AKR1D1: variants seen among roughly 807,000 people sequenced by gnomAD.
AKR1D1 encodes the protein delta(4)-3-ketosteroid 5-beta-reductase.
A neutral mutation model predicts 42.6 loss-of-function variants in AKR1D1; 32 were observed. The observed-to-expected ratio is 0.75, with a 90% confidence interval of 0.57 to 1.01. The LOEUF is 1.01. Among genes scored for constraint, AKR1D1 ranks in the 50% least tolerant of loss-of-function variants. The pLI is 0.00. For synonymous variants in AKR1D1, 123 were observed against 135.5 expected (o/e 0.91, Z 0.64); for missense variants, 364 against 402.2 (o/e 0.91, Z 0.81).
chr7:138,104,457 G>C (rs1794376311), intron 4 of AKR1D1, among the ~76,000 whole-genome samples: 1 of 152,036 alleles, frequency 6.6e-6, no homozygotes, highest in Admixed American at 6.5e-5. Context: ...CAGCACTTTG[G>C]GACACTGAGG....
chr7:138,098,296 C>G (rs1009077905), intron 4 of AKR1D1: 1 of 199,748 alleles, frequency 5.0e-6, no homozygotes, highest in Non-Finnish European at 1.0e-5. Flanking sequence ...AAGAAACAAA[C>G]TTAAAATGAT....
chr7:138,116,715 C>A lies in AKR1D1; in HGVS notation c.*53C>A. On this transcript the variant is annotated 3_prime_UTR_variant, in exon 9 of 9. Coordinates refer to ENST00000242375, the MANE Select transcript of AKR1D1 (RefSeq NM_005989.4). Reference sequence around the variant, plus strand: ...CACTCCCACGAGTGCCAAGACGGTGCAATGGGTAGTCCCCTAGATGTGAAA... The same window carrying A: ...CACTCCCACGAGTGCCAAGACGGTGAAATGGGTAGTCCCCTAGATGTGAAA... The A allele has an allele frequency of 6.7e-7, 1 of 1,488,040 alleles. No homozygotes were observed. The highest frequency in any genetic ancestry group is 1.1e-5 in the South Asian group (1 of 88,636). The allele number at this position is 1,488,040 out of a possible 1,614,324, so 92.2% of individuals were successfully genotyped here. A position where few individuals can be genotyped will look rare whatever the true frequency, so the allele number is the denominator to read the frequency against.
At chr7:138,112,471 G>A (rs1465216050) in intron 7 of AKR1D1, among the ~76,000 whole-genome samples, 1 of 152,130 alleles carries the variant, frequency 6.6e-6, no homozygotes, top group Non-Finnish European at 1.5e-5. Context: ...TATTGTGATA[G>A]AACTATCACT....
intron 4 of AKR1D1, among the ~76,000 whole-genome samples, chr7:138,100,921 G>T (rs1794294768): frequency 6.6e-6 from 1 of 151,796 alleles, no homozygotes. Context: ...AGCCAGGATG[G>T]TCTTGATCTC....
At position 138,116,616 on chromosome 7, in the gene AKR1D1, G is replaced by C; in HGVS notation, c.939-4G>C. 6.2e-7 allele frequency: 1 copy of C among 1,614,148 alleles called. No individual in the cohort carries two copies. On this transcript the variant is annotated splice_region_variant and splice_polypyrimidine_tract_variant and intron_variant, in intron 8 of 8. Transcript: ENST00000242375. ...TTTTTTCTGTGGGGGAATTGTTTTGGCAGGTGGCGCGATCATCCTGAATAC... is the reference window on the plus strand; with the variant it reads ...TTTTTTCTGTGGGGGAATTGTTTTGCCAGGTGGCGCGATCATCCTGAATAC...
rs116319298 is a variant in AKR1D1, at chr7:138,087,280, C to A, written c.94-1321C>A. 4.3e-3 allele frequency among the ~76,000 whole-genome samples: 639 copies of A among 149,352 alleles called. 9 individuals carry two copies. Among genetic ancestry groups the A allele is most frequent in the African/African-American group, 0.015 (614 of 40,770 alleles). On this transcript the variant is annotated intron_variant, in intron 1 of 8. Transcript: ENST00000242375. ...AAGCCCTTTTTATGGTGACATTAAT[C>A]CTAAACACCTCCCATTAGGCCCTAC...
rs778336636 is a variant in AKR1D1 at position 138,097,939 on chromosome 7, G to A, written c.452G>A (p.Trp151Ter). The A allele has an allele frequency of 3.1e-6, 5 of 1,609,166 alleles. No homozygotes were observed. The African/African-American group carries it at 5.4e-5, about 17-fold the overall frequency. Reference protein sequence around the residue: ...LYHKSNLCATWEAMEACKDAG... With the variant: ...LYHKSNLCAT ...CACAAGTCAAATCTGTGTGCCACTTGGGAGGTAAGTTCAAATGTGCTTCTT... is the reference window on the plus strand; with the variant it reads ...CACAAGTCAAATCTGTGTGCCACTTAGGAGGTAAGTTCAAATGTGCTTCTT... The change falls in exon 4 of 9, where the codon TGG becomes TAG. Residue 151 changes from tryptophan to a stop codon, truncating the protein, a stop_gained. Transcript: ENST00000242375. LOFTEE classifies it high-confidence loss of function.
intron 1 of AKR1D1, among the ~76,000 whole-genome samples, chr7:138,081,996 T>C (rs1007644533): frequency 4.6e-5 from 7 of 152,166 alleles, no homozygotes; most frequent in Non-Finnish European, 8.8e-5. Context: ...GAACAACTAA[T>C]TATTGGTCTG....
chr7:138,085,889 A>G (rs10263802), intron 1 of AKR1D1, among the ~76,000 whole-genome samples: 4,067 of 151,676 alleles, frequency 0.027, 176 homozygotes, highest in African/African-American at 0.092. Flanking sequence ...GATCAGTTCC[A>G]GCCCATAAAA....
At chr7:138,093,735 G>C (rs145104745) in intron 3 of AKR1D1, among the ~76,000 whole-genome samples, 1 of 152,242 alleles carries the variant, frequency 6.6e-6, no homozygotes, top group East Asian at 1.9e-4. Context: ...AAATATATAA[G>C]TTGTATCCAT....
At position 138,103,189 on chromosome 7, in the gene AKR1D1, G is replaced by A. The variant is rs6975550; in HGVS notation, c.457-2118G>A. On this transcript the variant is annotated intron_variant, in intron 4 of 8. Transcript: ENST00000242375. ...ACTCACACTGGAAATCATTAGGTCC[G>A]ATTGATGTACTAAGTGAAAGGAACA... Among the ~76,000 whole-genome samples, 1,446 of 152,148 alleles carry A rather than the reference G, an allele frequency of 9.5e-3. 29 individuals carry two copies. The highest frequency in any genetic ancestry group is 0.033 in the African/African-American group (1,365 of 41,500).
rs59361346 is a variant in AKR1D1 at position 138,100,088 on chromosome 7, C to CAAAAAAAAAAAAAAA, written c.456+2161_456+2175dup. On this transcript the variant is annotated intron_variant, in intron 4 of 8. Transcript: ENST00000242375. Reference sequence around the variant, plus strand: ...TGGGCAATATAGCGAGATTTCATCTCAAAAAAAAAAAAAAAAAAAAAAAAA... The same window carrying CAAAAAAAAAAAAAAA: ...TGGGCAATATAGCGAGATTTCATCTCAAAAAAAAAAAAAAAAAAAAAAAAAAAAAAAAAAAAAAAA... Among the ~76,000 whole-genome samples the CAAAAAAAAAAAAAAA allele has an allele frequency of 5.5e-4, 24 of 43,568 alleles. 1 individual carries two copies. Among genetic ancestry groups the CAAAAAAAAAAAAAAA allele is most frequent in the Admixed American group, 1.3e-3 (3 of 2,236 alleles). The allele number at this position is 43,568 out of a possible 152,430, so 28.6% of individuals were successfully genotyped here.
At chr7:138,100,257 C>T (rs542541954) in intron 4 of AKR1D1, among the ~76,000 whole-genome samples, 1 of 151,110 alleles carries the variant, frequency 6.6e-6, no homozygotes, top group Admixed American at 6.6e-5. Context: ...AGAAAAGTAG[C>T]AAATAAAGGG....
chr7:138,078,276 C>T (rs751037941), intron 1 of AKR1D1, among the ~76,000 whole-genome samples: 2 of 152,026 alleles, frequency 1.3e-5, no homozygotes, highest in Non-Finnish European at 2.9e-5. Flanking sequence ...GTTGGAACTT[C>T]GTTCTATAGT....
chr7:138,087,325 A>C (rs1275771539), intron 1 of AKR1D1, among the ~76,000 whole-genome samples: 1 of 152,150 alleles, frequency 6.6e-6, no homozygotes, highest in African/African-American at 2.4e-5. Flanking sequence ...CTGTTTGTCA[A>C]ATTGGAGATT....
At chr7:138,112,247 G>C (rs1284243860) in intron 7 of AKR1D1, among the ~76,000 whole-genome samples, 1 of 152,048 alleles carries the variant, frequency 6.6e-6, no homozygotes, top group Non-Finnish European at 1.5e-5. Context: ...TCTGAGTAAG[G>C]ATTCATTTTA....
chr7:138,088,327 T>C (rs910016463), intron 1 of AKR1D1, among the ~76,000 whole-genome samples: 1 of 152,230 alleles, frequency 6.6e-6, no homozygotes, highest in African/African-American at 2.4e-5. Context: ...CCATGAATTC[T>C]CTTGTCACAG....
intron 1 of AKR1D1, among the ~76,000 whole-genome samples, chr7:138,080,332 AT>A (rs1803027630): frequency 6.6e-6 from 1 of 152,098 alleles, no homozygotes; most frequent in South Asian, 2.1e-4. Flanking sequence ...GGCCTTCAAA[AT>A]TGCTGGGATT....
chr7:138,118,150 T>A lies in AKR1D1; in HGVS notation c.*1488T>A, dbSNP rs1342741225. ...TCAGTTGCTTATAGATAATGTTCAATGACCTCAAGACATATATTTTTGAGA... is the reference window on the plus strand; with the variant it reads ...TCAGTTGCTTATAGATAATGTTCAAAGACCTCAAGACATATATTTTTGAGA... On this transcript the variant is annotated 3_prime_UTR_variant, in exon 9 of 9. Transcript: ENST00000242375. Among the ~76,000 whole-genome samples, 1 of 152,270 alleles carries A rather than the reference T, an allele frequency of 6.6e-6. No individual in the cohort carries two copies. Among genetic ancestry groups the A allele is most frequent in the Admixed American group, 6.5e-5 (1 of 15,290 alleles).
Sources: allele counts gnomAD v4.1 joint callset (sites outside exome capture counted in the v4.1 genomes callset), GRCh38; gene constraint gnomAD v4.1.1; transcripts MANE v1.5; gene names NCBI Gene and HGNC (gene_info 2026-07-23, HGNC 2026-07-21).